The following FARP1 variants were observed in gnomAD, a reference collection of about 807,000 sequenced individuals.
FARP1 encodes the protein FERM, ARH/RhoGEF and pleckstrin domain protein 1.
FARP1 carries 52 observed loss-of-function variants against 128.8 expected under a neutral mutation model. That is an observed-to-expected ratio of 0.40 (90% CI 0.32 to 0.51). The LOEUF is 0.51. FARP1 is among the 20% of genes least tolerant of loss of function. The pLI is 0.45. For missense variants in FARP1, 1,333 were observed against 1,367.9 expected (o/e 0.97, Z 0.40); for synonymous variants, 580 against 551.8 (o/e 1.05, Z -0.72).
chr13:98,439,156 A>T lies in FARP1; in HGVS notation c.2393A>T (p.Gln798Leu). 1 of 1,613,942 alleles carries T rather than the reference A, an allele frequency of 6.2e-7. No individual in the cohort carries two copies. The highest frequency in any genetic ancestry group is 2.2e-5 in the East Asian group (1 of 44,870). The stretch of plus-strand genomic sequence containing the variant: ...AGCCGGGGGCTGACGGCCTCCAATC[A>T]GTTTAAAGTCCACGGGCAGCTCCCG... The part of the protein sequence containing the change: ...YTSRGLTASN[Q>L]FKVHGQLPLY... The change falls in exon 21 of 27, where the codon CAG becomes CTG. Residue 798 changes from glutamine (Q) to leucine (L), a missense_variant. Coordinates refer to ENST00000319562, the MANE Select transcript of FARP1 (RefSeq NM_005766.4).
chr13:98,443,585 G>A (rs549059854), intron 24 of FARP1, among the ~76,000 whole-genome samples: 1 of 152,316 alleles, frequency 6.6e-6, no homozygotes, highest in East Asian at 1.9e-4. Flanking sequence ...GACTCGTGTA[G>A]GCACACTTGA....
intron 2 of FARP1, among the ~76,000 whole-genome samples, chr13:98,310,105 T>G (rs2139739977): frequency 6.7e-6 from 1 of 150,356 alleles, no homozygotes; most frequent in South Asian, 2.1e-4. Flanking sequence ...CATAATAGGC[T>G]TAAGTGTAAG....
At chr13:98,257,880 G>T (rs747501771) in intron 2 of FARP1, among the ~76,000 whole-genome samples, 5 of 152,190 alleles carry the variant, frequency 3.3e-5, no homozygotes, top group African/African-American at 1.2e-4. Flanking sequence ...TGAAAACAAC[G>T]CATAGATGTG....
rs529495753 is a variant in FARP1 at position 98,449,642 on chromosome 13, G to A, written c.*1325G>A. The stretch of plus-strand genomic sequence containing the variant: ...TGGAAACAAACAGCAACTTGCAAAC[G>A]GACGAAGAGCCTGCCGTGTGTTAAT... On this transcript the variant is annotated 3_prime_UTR_variant, in exon 27 of 27. Transcript: ENST00000319562. The A allele has an allele frequency of 2.0e-5, 3 of 152,540 alleles. No individual in the cohort carries two copies. Among genetic ancestry groups the A allele is most frequent in the Admixed American group, 1.3e-4 (2 of 15,268 alleles). 9.4% of individuals were successfully genotyped at this position (152,540 alleles called of 1,614,324 possible). A position where few individuals can be genotyped will look rare whatever the true frequency, so the allele number is the denominator to read the frequency against.
At chr13:98,264,186 C>G (rs1674333348) in intron 2 of FARP1, among the ~76,000 whole-genome samples, 1 of 152,228 alleles carries the variant, frequency 6.6e-6, no homozygotes, top group Non-Finnish European at 1.5e-5. Flanking sequence ...TAGAGATTAG[C>G]TGGGGAGATG....
At chr13:98,157,730 A>G (rs1330042633) in intron 1 of FARP1, among the ~76,000 whole-genome samples, 1 of 152,226 alleles carries the variant, frequency 6.6e-6, no homozygotes, top group East Asian at 1.9e-4. Flanking sequence ...CAGAGATAGA[A>G]GCTCAGGAAG....
In FARP1 at chr13:98,222,646, G is replaced by A. The variant is rs1029827579; in HGVS notation, c.171+9233G>A. Among the ~76,000 whole-genome samples, 17 of 151,488 alleles carry A rather than the reference G, an allele frequency of 1.1e-4. No homozygotes were observed. The South Asian group carries it at 2.1e-3, about 19-fold the overall frequency. ...GCTTTTTTTTTTTGTTTTTTGAGAC[G>A]GAGTCTTGCTCTGTTGCTAGGCTGG... On this transcript the variant is annotated intron_variant, in intron 2 of 26. Transcript: ENST00000319562.
intron 3 of FARP1, among the ~76,000 whole-genome samples, chr13:98,358,699 G>A (rs1048361223): frequency 6.6e-6 from 1 of 151,646 alleles, no homozygotes; most frequent in Admixed American, 6.6e-5. Context: ...GCAATGGCGC[G>A]ATCTTGGCTC....
intron 8 of FARP1, 69 bp downstream of exon 8, chr13:98,385,883 G>C (rs1890075618): frequency 2.0e-6 from 3 of 1,532,034 alleles, no homozygotes; most frequent in Admixed American, 1.7e-5. Flanking sequence ...CTTCAACTCT[G>C]ATTCATATTC....
At chr13:98,220,636 G>C (rs1351818082) in intron 2 of FARP1, among the ~76,000 whole-genome samples, 2 of 151,988 alleles carry the variant, frequency 1.3e-5, no homozygotes, top group African/African-American at 4.8e-5. Context: ...GGCTATTTTG[G>C]CTATTTTAAT....
rs1450471076 is a variant in FARP1, at chr13:98,421,521, A to G, written c.1827-3051A>G. 2.6e-5 allele frequency among the ~76,000 whole-genome samples: 4 copies of G among 152,304 alleles called. No individual in the cohort carries two copies. The East Asian group carries it at 5.8e-4, about 22-fold the overall frequency. ...GTCCTTTATTTCTGTATGTTCTCAA[A>G]TGGCAGATCCATTCAAAAAATTCTG... On this transcript the variant is annotated intron_variant, in intron 16 of 26. Coordinates refer to ENST00000319562, the MANE Select transcript of FARP1 (RefSeq NM_005766.4).
chr13:98,377,002 C>T (rs1486632020), intron 5 of FARP1, among the ~76,000 whole-genome samples: 1 of 151,872 alleles, frequency 6.6e-6, no homozygotes, highest in Non-Finnish European at 1.5e-5. Context: ...CTTAATACCA[C>T]AATATAAAGA....
In FARP1 at chr13:98,309,153, C is replaced by CTTTTTTT. The variant is rs56030081; in HGVS notation, c.172-34585_172-34579dup. ...TATATTAATATTAATTTTAAGAGGC[C>CTTTTTTT]TTTTTTTTTTTTTTTTTTTTTTTTT... On this transcript the variant is annotated intron_variant, in intron 2 of 26. Transcript: ENST00000319562. Among the ~76,000 whole-genome samples the CTTTTTTT allele has an allele frequency of 5.6e-5, 5 of 89,670 alleles. 2 individuals carry two copies. Among genetic ancestry groups the CTTTTTTT allele is most frequent in the Non-Finnish European group, 6.2e-5 (3 of 48,410 alleles). 58.8% of individuals were successfully genotyped at this position (89,670 alleles called of 152,430 possible). A position where few individuals can be genotyped will look rare whatever the true frequency, so the allele number is the denominator to read the frequency against.
At chr13:98,394,996 G>T (rs657412) in intron 12 of FARP1, among the ~76,000 whole-genome samples, 19,224 of 152,100 alleles carry the variant, frequency 0.13, 1,638 homozygotes, top group African/African-American at 0.23. Flanking sequence ...AGACCGGGCC[G>T]GGCTTGTGCT....
intron 2 of FARP1, among the ~76,000 whole-genome samples, chr13:98,277,770 G>T (rs1884728794): frequency 1.3e-5 from 2 of 152,184 alleles, no homozygotes; most frequent in Non-Finnish European, 2.9e-5. Context: ...GAGAGCACTG[G>T]TTCTTCATGC....
chr13:98,420,224 G>T lies in FARP1; in HGVS notation c.1827-4348G>T, dbSNP rs1264360717. ...GAGGGCAAAGTATTGATTTATCCTG[G>T]CTGGCTTTGCCCCTGCCTGCGACGA... On this transcript the variant is annotated intron_variant, in intron 16 of 26. Transcript: ENST00000319562. Among the ~76,000 whole-genome samples, 3 of 152,102 alleles carry T rather than the reference G, an allele frequency of 2.0e-5. No individual in the cohort carries two copies. In the East Asian group the frequency reaches 5.8e-4, roughly 29 times the overall value.
At chr13:98,358,598 A>G (rs186303536) in intron 3 of FARP1, among the ~76,000 whole-genome samples, 10 of 152,246 alleles carry the variant, frequency 6.6e-5, no homozygotes, top group Admixed American at 5.2e-4. Flanking sequence ...TTACTTTGAA[A>G]CAAATTATTA....
At position 98,197,193 on chromosome 13, in the gene FARP1, G is replaced by A. The variant is rs1416188879; in HGVS notation, c.-23-16027G>A. ...TATAAGATGATGATGTTGGCCAGGC[G>A]TGGTGGCTCACGCCTGTGATCCCAG... On this transcript the variant is annotated intron_variant, in intron 1 of 26. Coordinates refer to ENST00000319562, the MANE Select transcript of FARP1 (RefSeq NM_005766.4). Among the ~76,000 whole-genome samples the A allele has an allele frequency of 7.9e-5, 12 of 152,282 alleles. No homozygotes were observed. In the East Asian group the frequency reaches 1.7e-3, roughly 22 times the overall value.
At chr13:98,235,925 G>A (rs1159284553) in intron 2 of FARP1, among the ~76,000 whole-genome samples, 1 of 150,272 alleles carries the variant, frequency 6.7e-6, no homozygotes, top group Non-Finnish European at 1.5e-5. Flanking sequence ...CTGGGTTAAA[G>A]CAATTCCCCT....
Sources: allele counts gnomAD v4.1 joint callset (sites outside exome capture counted in the v4.1 genomes callset), GRCh38; gene constraint gnomAD v4.1.1; transcripts MANE v1.5; gene names NCBI Gene and HGNC (gene_info 2026-07-23, HGNC 2026-07-21).